Variants in FHOD1 observed in about 807,000 individuals in gnomAD.
The protein encoded by FHOD1 is formin homology 2 domain containing 1, also known as FH1/FH2 domain-containing protein 1.
A neutral mutation model predicts 111.6 loss-of-function variants in FHOD1; 89 were observed. The ratio of observed to expected loss-of-function variants is 0.80; its 90% CI spans 0.67 to 0.95. FHOD1 has a LOEUF of 0.95. Ranked by LOEUF, FHOD1 falls within the 40% of genes least tolerant of loss-of-function variation. The probability of loss-of-function intolerance (pLI) is 0.00; values close to 1 mark genes in which losing one functional copy is unlikely to be tolerated. For missense variants in FHOD1, 1,446 were observed against 1,554.2 expected (o/e 0.93, Z 1.17); for synonymous variants, 618 against 639.0 (o/e 0.97, Z 0.50).
chr16:67,230,211 AC>A lies in FHOD1; in HGVS notation c.3068del (p.Gly1023ValfsTer14), dbSNP rs1334364055. On this transcript the variant is annotated frameshift_variant, in exon 20 of 22. Coordinates refer to ENST00000258201, the MANE Select transcript of FHOD1 (RefSeq NM_013241.3). LOFTEE classifies it high-confidence loss of function. ...RMITETEKFS[G>X]VAGEAPSNPS... The stretch of plus-strand genomic sequence containing the variant: ...GGTTGCTGGGGGCTTCCCCAGCCAC[AC>A]CTGAGAACTTCTCTGTCTGGAGAAA... 1.9e-6 allele frequency: 3 copies of A among 1,613,996 alleles called. No individual in the cohort carries two copies. The highest frequency in any genetic ancestry group is 1.7e-5 in the Admixed American group (1 of 60,014).
chr16:67,243,748 T>C (rs2034730565), intron 1 of FHOD1, among the ~76,000 whole-genome samples: 1 of 152,162 alleles, frequency 6.6e-6, no homozygotes, highest in African/African-American at 2.4e-5. Flanking sequence ...TTTTCTGGAC[T>C]CTGCAAATAC....
At chr16:67,247,148 C>A in intron 1 of FHOD1, 62 bp downstream of exon 1, 1 of 1,449,680 alleles carries the variant, frequency 6.9e-7, no homozygotes, top group South Asian at 1.4e-5. Flanking sequence ...CACCTCCCAC[C>A]AGTTTTCATG....
At position 67,231,466 on chromosome 16, in the gene FHOD1, G is replaced by T; in HGVS notation, c.2469C>A (p.Thr823=). ...TGAGGAAGTTGCCCACCGCTAGGAG[G>T]GTAGCCAGGATGCAGCGGAAGGTGG... is the stretch of plus-strand genomic sequence containing the variant. ...QNATFRCILA[T]LLAVGNFLNG... Residue 823 remains threonine, a synonymous_variant, in exon 16 of 22, where the codon ACC becomes ACA. Coordinates refer to ENST00000258201, the MANE Select transcript of FHOD1 (RefSeq NM_013241.3). This position sits in a 1 kb window ranked among gnomAD's most constrained non-coding sequence, Gnocchi z 4.3. 6.2e-7 allele frequency: 1 copy of T among 1,614,148 alleles called. No individual in the cohort carries two copies. The highest frequency in any genetic ancestry group is 2.2e-5 in the East Asian group (1 of 44,882).
chr16:67,231,242 C>A lies in FHOD1; in HGVS notation c.2613G>T (p.Arg871=). 6.2e-7 allele frequency: 1 copy of A among 1,614,188 alleles called. No homozygotes were observed. Among genetic ancestry groups the A allele is most frequent in the Non-Finnish European group, 8.5e-7 (1 of 1,180,032 alleles). Residue 871 remains arginine (R), a synonymous_variant, in exon 17 of 22, where the codon CGG becomes CGT. Coordinates refer to ENST00000258201, the MANE Select transcript of FHOD1 (RefSeq NM_013241.3). The surrounding 1 kb of genome is among the most constrained non-coding windows in gnomAD (Gnocchi z 4.3). Reference sequence around the variant, plus strand: ...CTGAATAGAGGTCAGAGGACTCAGGCCGGGTCTGGAGCACTAGGGAGCAGA... The same window carrying A: ...CTGAATAGAGGTCAGAGGACTCAGGACGGGTCTGGAGCACTAGGGAGCAGA... ...HHLCSLVLQT[R]PESSDLYSEI...
chr16:67,244,405 G>A (rs1263612762), intron 1 of FHOD1, among the ~76,000 whole-genome samples: 1 of 152,056 alleles, frequency 6.6e-6, no homozygotes, highest in African/African-American at 2.4e-5. Flanking sequence ...TGGAGGGGAG[G>A]AAGGCACTCC....
chr16:67,244,239 C>T (rs1003515735), intron 1 of FHOD1, among the ~76,000 whole-genome samples: 3 of 152,096 alleles, frequency 2.0e-5, no homozygotes, highest in Non-Finnish European at 4.4e-5. Context: ...AGTGCTATAC[C>T]AGGTGTGGTA....
In FHOD1 at chr16:67,229,788, C is replaced by T. The variant is rs2034175269; in HGVS notation, c.3412+5G>A. The T allele has an allele frequency of 1.2e-6, 2 of 1,614,086 alleles. No individual in the cohort carries two copies. The highest frequency in any genetic ancestry group is 1.7e-6 in the Non-Finnish European group (2 of 1,180,028). On this transcript the variant is annotated splice_donor_5th_base_variant and intron_variant, in intron 21 of 21. Coordinates refer to ENST00000258201, the MANE Select transcript of FHOD1 (RefSeq NM_013241.3). Reference sequence around the variant, plus strand: ...TGGGCAGTGGGATTGTGGGGGGTTACTTACAAGACTTGCGGTTGCCGCGGG... The same window carrying T: ...TGGGCAGTGGGATTGTGGGGGGTTATTTACAAGACTTGCGGTTGCCGCGGG...
At position 67,238,740 on chromosome 16, in the gene FHOD1, C is replaced by G. The variant is rs765262748; in HGVS notation, c.373+163G>C. 1 of 717,928 alleles carries G rather than the reference C, an allele frequency of 1.4e-6. No homozygotes were observed. Among genetic ancestry groups the G allele is most frequent in the Non-Finnish European group, 2.4e-6 (1 of 409,388 alleles). 44.5% of individuals were successfully genotyped at this position (717,928 alleles called of 1,614,324 possible). On this transcript the variant is annotated intron_variant, in intron 3 of 21. Transcript: ENST00000258201. The surrounding 1 kb of genome is among the most constrained non-coding windows in gnomAD (Gnocchi z 4.2). Reference sequence around the variant, plus strand: ...TCTATTCTAACATTCTTGAATCCCCCTCCACTCCCACCATGGCCCTGGAAG... The same window carrying G: ...TCTATTCTAACATTCTTGAATCCCCGTCCACTCCCACCATGGCCCTGGAAG...
rs117880323 is a variant in FHOD1 at position 67,231,638 on chromosome 16, C to T, written c.2384G>A (p.Arg795Gln). 214 of 1,614,106 alleles carry T rather than the reference C, an allele frequency of 1.3e-4. 1 individual carries two copies. In the East Asian group the frequency reaches 3.7e-3, roughly 28 times the overall value. Residue 795 changes from arginine (R) to glutamine (Q), a missense_variant and splice_region_variant, in exon 15 of 22, where the codon CGG becomes CAG. Arg to Gln is a conservative substitution (Grantham distance 43). Around this residue, in one of 3 missense-constraint regions of FHOD1, gnomAD observed 1,085 missense variants for 1,108.8 expected, o/e 0.98. Transcript: ENST00000258201. This position sits in a 1 kb window ranked among gnomAD's most constrained non-coding sequence, Gnocchi z 4.3. The part of the protein sequence containing the change: ...AFKLDYDSME[R>Q]EIAEPLFDLK... ...TGTCCCACTCCAAGACCCAGGTACCCGCTCCATGCTGTCATAGTCCAGCTT... is the reference window on the plus strand; with the variant it reads ...TGTCCCACTCCAAGACCCAGGTACCTGCTCCATGCTGTCATAGTCCAGCTT...
Position 67,246,655 on chromosome 16 carries a change from G to A in FHOD1, c.201+555C>T, listed in dbSNP as rs376510181. On this transcript the variant is annotated intron_variant, in intron 1 of 21. Transcript: ENST00000258201. ...CGCTCTGCGGATCCCGGGCCAGACC[G>A]CTTCGCGGGGACTCCCCTCACCCCG... 4.8e-4 allele frequency among the ~76,000 whole-genome samples: 73 copies of A among 152,320 alleles called. 1 individual carries two copies. In the East Asian group the frequency reaches 0.012, roughly 25 times the overall value.
chr16:67,239,437 C>G lies in FHOD1; in HGVS notation c.219G>C (p.Leu73=). The G allele has an allele frequency of 7.4e-6, 12 of 1,614,014 alleles. No homozygotes were observed. Among genetic ancestry groups the G allele is most frequent in the Non-Finnish European group, 8.5e-6 (10 of 1,179,922 alleles). The change falls in exon 2 of 22, where the codon CTG becomes CTC. Residue 73 remains leucine (L), a synonymous_variant. Coordinates refer to ENST00000258201, the MANE Select transcript of FHOD1 (RefSeq NM_013241.3). ...GAPLKLEDCA[L]QVSPSGYYLD... is the part of the protein sequence containing the mutation. ...GGTAGTATCCGGAGGGAGACACTTG[C>G]AGAGCACAATCCTCCAACTGGGGGC...
chr16:67,236,214 G>T, intron 11 of FHOD1: 1 of 399,992 alleles, frequency 2.5e-6, no homozygotes, highest in Non-Finnish European at 3.4e-6. Flanking sequence ...GAGGAAACTG[G>T]AAGTGGAGGG....
At position 67,237,403 on chromosome 16, in the gene FHOD1, G is replaced by C; in HGVS notation, c.850-21C>G. 6.2e-7 allele frequency: 1 copy of C among 1,613,818 alleles called. No individual in the cohort carries two copies. Among genetic ancestry groups the C allele is most frequent in the Non-Finnish European group, 8.5e-7 (1 of 1,179,700 alleles). The stretch of plus-strand genomic sequence containing the variant: ...AGCGTCTGGAGGGCGGGGATAAGAA[G>C]GCAAGGCTGAGGTTGGTGGGGAGGT... On this transcript the variant is annotated intron_variant, in intron 8 of 21. Transcript: ENST00000258201. This position sits in a 1 kb window ranked among gnomAD's most constrained non-coding sequence, Gnocchi z 5.6.
chr16:67,238,845 A>G lies in FHOD1; in HGVS notation c.373+58T>C. The G allele has an allele frequency of 4.5e-6, 7 of 1,558,474 alleles. No individual in the cohort carries two copies. Among genetic ancestry groups the G allele is most frequent in the Non-Finnish European group, 6.2e-6 (7 of 1,129,320 alleles). On this transcript the variant is annotated intron_variant, in intron 3 of 21. Transcript: ENST00000258201. The surrounding 1 kb of genome is among the most constrained non-coding windows in gnomAD (Gnocchi z 4.2). Reference sequence around the variant, plus strand: ...ACTGTTCAGCACAGGCCTGAAGGTGAGCCAACTGGGCTATGGGGAGGAGGT... The same window carrying G: ...ACTGTTCAGCACAGGCCTGAAGGTGGGCCAACTGGGCTATGGGGAGGAGGT...
chr16:67,247,438 C>T lies in FHOD1; in HGVS notation c.-28G>A. 1 of 1,607,586 alleles carries T rather than the reference C, an allele frequency of 6.2e-7. No individual in the cohort carries two copies. Among genetic ancestry groups the T allele is most frequent in the Non-Finnish European group, 8.5e-7 (1 of 1,177,112 alleles). ...CTCTGCGGCCGGCTCACGCAGCGCG[C>T]CTCCGAGTCCCGGCCCCAGTGCAGC... On this transcript the variant is annotated 5_prime_UTR_variant, in exon 1 of 22. Transcript: ENST00000258201.
chr16:67,230,842 G>T (rs752220377), intron 17 of FHOD1, 51 bp from the exon 18 acceptor site: 6 of 1,521,024 alleles, frequency 3.9e-6, no homozygotes, highest in Middle Eastern at 4.9e-4. Context: ...CTGTAGACAA[G>T]ACATGGCCCG....
In FHOD1 at chr16:67,230,515, G is replaced by A. The variant is rs201464817; in HGVS notation, c.2859-9C>T. ...GCAGGAAGGCATGGAACCTAGGCAG[G>A]TCAGAGTAGGGAGGGACAGTAAGTC... On this transcript the variant is annotated splice_polypyrimidine_tract_variant and intron_variant, in intron 18 of 21. Coordinates refer to ENST00000258201, the MANE Select transcript of FHOD1 (RefSeq NM_013241.3). 3 of 1,614,198 alleles carry A rather than the reference G, an allele frequency of 1.9e-6. No individual in the cohort carries two copies. The East Asian group carries it at 6.7e-5, about 36-fold the overall frequency.
In FHOD1 at chr16:67,230,204, C is replaced by T; in HGVS notation, c.3076G>A (p.Gly1026Arg). The change falls in exon 20 of 22, where the codon GGG (glycine) becomes AGG (arginine). Residue 1026 changes from glycine (G) to arginine (R), a missense_variant. Physicochemically the swap from Gly to Arg is moderately radical, Grantham distance 125. Transcript: ENST00000258201. ...ACAGAGGGGTTGCTGGGGGCTTCCC[C>T]AGCCACACCTGAGAACTTCTCTGTC... ...TETEKFSGVAGEAPSNPSVPV... is the reference protein window; with the variant it reads ...TETEKFSGVAREAPSNPSVPV... 1.9e-6 allele frequency: 3 copies of T among 1,614,028 alleles called. No homozygotes were observed. Among genetic ancestry groups the T allele is most frequent in the East Asian group, 2.2e-5 (1 of 44,878 alleles).
rs780610608 is a variant in FHOD1 at position 67,231,848 on chromosome 16, C to T, written c.2203-29G>A. On this transcript the variant is annotated intron_variant, in intron 14 of 21. Coordinates refer to ENST00000258201, the MANE Select transcript of FHOD1 (RefSeq NM_013241.3). The surrounding 1 kb of genome is among the most constrained non-coding windows in gnomAD (Gnocchi z 4.3). Reference sequence around the variant, plus strand: ...AGGATGTAGCCAGAGCCTGACATGGCCCCCTCAATGCAGGCCTGAGGCCTG... The same window carrying T: ...AGGATGTAGCCAGAGCCTGACATGGTCCCCTCAATGCAGGCCTGAGGCCTG... The T allele has an allele frequency of 4.4e-6, 7 of 1,605,576 alleles. No homozygotes were observed. The Admixed American group carries it at 1.2e-4, about 27-fold the overall frequency.
Sources: allele counts gnomAD v4.1 joint callset (sites outside exome capture counted in the v4.1 genomes callset), GRCh38; gene constraint gnomAD v4.1.1; regional missense constraint gnomAD v4.1.1; non-coding constraint Gnocchi (gnomAD v3.1); transcripts MANE v1.5; gene names NCBI Gene and HGNC (gene_info 2026-07-23, HGNC 2026-07-21).